Variants in CCDC63 observed in about 807,000 individuals in gnomAD.
CCDC63 encodes coiled-coil domain-containing protein 63.
In CCDC63, 54 loss-of-function variants were observed where a neutral mutation model predicts 63.6. The ratio of observed to expected loss-of-function variants is 0.85; its 90% CI spans 0.68 to 1.07. The LOEUF (loss-of-function observed/expected upper bound fraction) is 1.07. Among genes scored for constraint, CCDC63 ranks in the 50% least tolerant of loss-of-function variants. CCDC63 has a pLI of 0.00. For missense variants in CCDC63, 637 were observed against 689.6 expected (o/e 0.92, Z 0.86); for synonymous variants, 253 against 266.1 (o/e 0.95, Z 0.48).
upstream of CCDC63, chr12:110,846,688 G>C (rs1163556157): frequency 2.6e-5 from 4 of 152,400 alleles, no homozygotes; most frequent in African/African-American, 9.6e-5. Context: ...GGGTGTGAGT[G>C]GGGCGAGGTG....
intron 4 of CCDC63, among the ~76,000 whole-genome samples, chr12:110,869,932 A>G (rs1446523985): frequency 6.6e-6 from 1 of 152,234 alleles, no homozygotes; most frequent in African/African-American, 2.4e-5. Flanking sequence ...GGCATACTTT[A>G]AAATTTACGG....
At chr12:110,894,163 C>A (rs1592783794) in intron 9 of CCDC63, among the ~76,000 whole-genome samples, 1 of 151,842 alleles carries the variant, frequency 6.6e-6, no homozygotes, top group East Asian at 1.9e-4. Context: ...ATAGATCCAG[C>A]CGTTGCATAT....
At chr12:110,904,938 C>T (rs2071540249) in intron 11 of CCDC63, 147 bp downstream of exon 11, 4 of 561,624 alleles carry the variant, frequency 7.1e-6, no homozygotes, top group Non-Finnish European at 8.9e-6. Context: ...TGCCAGTTCC[C>T]TTGGGTGCCA....
At chr12:110,847,449 G>A (rs768803219) in intron 1 of CCDC63, among the ~76,000 whole-genome samples, 7 of 149,272 alleles carry the variant, frequency 4.7e-5, no homozygotes, top group Non-Finnish European at 1.0e-4. Flanking sequence ...AGCTTCTTGG[G>A]AGGCTGAAGG....
At chr12:110,860,729 ACAGG>A (rs2070842483) in intron 4 of CCDC63, among the ~76,000 whole-genome samples, 1 of 152,008 alleles carries the variant, frequency 6.6e-6, no homozygotes, top group Non-Finnish European at 1.5e-5. Flanking sequence ...AGCTGGGATT[ACAGG>A]CAGGCACCCC....
intron 10 of CCDC63, among the ~76,000 whole-genome samples, chr12:110,902,984 A>G (rs11065757): frequency 0.3 from 45,646 of 151,438 alleles, 7,128 homozygotes; most frequent in Admixed American, 0.34. Flanking sequence ...CCAGGTTCAA[A>G]TTATTCTCCT....
upstream of CCDC63, among the ~76,000 whole-genome samples, chr12:110,844,897 T>C (rs1359194021): frequency 3.9e-5 from 6 of 152,214 alleles, 1 homozygote; most frequent in Admixed American, 3.9e-4. Context: ...ACTTGGACTG[T>C]CAGTTTTCTG....
chr12:110,888,983 C>G (rs2136715411), intron 8 of CCDC63, among the ~76,000 whole-genome samples: 1 of 152,100 alleles, frequency 6.6e-6, no homozygotes, highest in African/African-American at 2.4e-5. Flanking sequence ...GTGATCGTCT[C>G]ATCTCAGCCT....
chr12:110,892,534 A>T (rs1302393440), intron 8 of CCDC63, among the ~76,000 whole-genome samples: 1 of 152,220 alleles, frequency 6.6e-6, no homozygotes, highest in African/African-American at 2.4e-5. Context: ...TTACCATCAG[A>T]ACAGAAAATT....
At chr12:110,888,141 C>G (rs1397191514) in intron 8 of CCDC63, among the ~76,000 whole-genome samples, 48 of 152,102 alleles carry the variant, frequency 3.2e-4, no homozygotes, top group Admixed American at 3.0e-3. Context: ...GCCCGCAGAG[C>G]TTAGCGGGCC....
At chr12:110,877,457 A>G (rs1237273448) in intron 5 of CCDC63, among the ~76,000 whole-genome samples, 1 of 152,030 alleles carries the variant, frequency 6.6e-6, no homozygotes, top group Non-Finnish European at 1.5e-5. Flanking sequence ...CACTCAGGTG[A>G]TCCACCCATC....
chr12:110,904,748 C>G lies in CCDC63; in HGVS notation c.1503C>G (p.Pro501=). The G allele has an allele frequency of 6.2e-7, 1 of 1,613,966 alleles. No homozygotes were observed. The highest frequency in any genetic ancestry group is 2.2e-5 in the East Asian group (1 of 44,870). ...LKPPEPIKVI[P]PVLGADPFSD... is the part of the protein sequence containing the mutation. Reference sequence around the variant, plus strand: ...CCCCAGAACCCATCAAAGTCATCCCCCCAGTGCTGGGGGCTGACCCCTTCA... The same window carrying G: ...CCCCAGAACCCATCAAAGTCATCCCGCCAGTGCTGGGGGCTGACCCCTTCA... Residue 501 remains proline (P), a synonymous_variant, in exon 11 of 12, where the codon CCC becomes CCG. Transcript: ENST00000308208.
intron 8 of CCDC63, among the ~76,000 whole-genome samples, chr12:110,888,657 G>A (rs1311023592): frequency 6.6e-6 from 1 of 152,180 alleles, no homozygotes; most frequent in East Asian, 1.9e-4. Context: ...TATGCTCACT[G>A]TAGAGAATCT....
intron 8 of CCDC63, among the ~76,000 whole-genome samples, chr12:110,885,092 C>A (rs775281567): frequency 2.0e-5 from 3 of 151,602 alleles, no homozygotes; most frequent in Non-Finnish European, 4.4e-5. Flanking sequence ...TTTTATTAAC[C>A]AGCATTCAGT....
chr12:110,861,681 C>T (rs571774743), intron 4 of CCDC63, among the ~76,000 whole-genome samples: 5 of 152,094 alleles, frequency 3.3e-5, no homozygotes, highest in Admixed American at 2.0e-4. Flanking sequence ...AAGCGATTCT[C>T]CTGCCTCAGC....
chr12:110,888,779 GTCCTTCTTTCCTTCCTTCCT>G (rs2071316727), intron 8 of CCDC63, among the ~76,000 whole-genome samples: 1 of 144,192 alleles, frequency 6.9e-6, no homozygotes, highest in South Asian at 2.3e-4. Flanking sequence ...TTTTTTTTTG[GTCCTTCTTTCCTTCCTTCCT>G]TCCTTCCTTC....
intron 9 of CCDC63, among the ~76,000 whole-genome samples, chr12:110,895,552 A>G (rs960519895): frequency 6.6e-6 from 1 of 152,162 alleles, no homozygotes; most frequent in Non-Finnish European, 1.5e-5. Flanking sequence ...CACATCCATC[A>G]TGGGAGGGTT....
chr12:110,864,333 T>C (rs945064990), intron 4 of CCDC63, among the ~76,000 whole-genome samples: 6 of 151,906 alleles, frequency 3.9e-5, no homozygotes, highest in African/African-American at 1.5e-4. Flanking sequence ...CACAGTTGCC[T>C]GTGGTCAAGT....
At chr12:110,871,017 A>G (rs1305628165) in intron 4 of CCDC63, among the ~76,000 whole-genome samples, 3 of 152,214 alleles carry the variant, frequency 2.0e-5, no homozygotes, top group Admixed American at 2.0e-4. Context: ...GACTTCTCTA[A>G]GCCCAGTGGC....
Sources: allele counts gnomAD v4.1 joint callset (sites outside exome capture counted in the v4.1 genomes callset), GRCh38; gene constraint gnomAD v4.1.1; transcripts MANE v1.5; gene names NCBI Gene and HGNC (gene_info 2026-07-23, HGNC 2026-07-21).